ACSF3: variants seen among roughly 807,000 people sequenced by gnomAD.
The protein encoded by ACSF3 is acyl-CoA synthetase family member 3.
Under a neutral mutation model 53.2 loss-of-function variants are expected in ACSF3, and 78 were observed. The ratio of observed to expected loss-of-function variants is 1.47; its 90% CI spans 1.22 to 1.77. The LOEUF is 1.77. ACSF3 is among the 40% of genes most tolerant of loss of function. ACSF3 has a pLI of 0.00. For synonymous variants in ACSF3, 414 were observed against 333.1 expected (o/e 1.24, Z -2.65); for missense variants, 937 against 771.1 (o/e 1.22, Z -2.55).
At chr16:89,117,713 C>G (rs925536764) in intron 6 of ACSF3, among the ~76,000 whole-genome samples, 1 of 152,002 alleles carries the variant, frequency 6.6e-6, no homozygotes, top group Non-Finnish European at 1.5e-5. Flanking sequence ...GCCCAGAGAC[C>G]CAGGGGAGGC....
chr16:89,143,511 G>A (rs1234545992), intron 8 of ACSF3, among the ~76,000 whole-genome samples: 1 of 152,118 alleles, frequency 6.6e-6, no homozygotes, highest in African/African-American at 2.4e-5. Flanking sequence ...GGAGCAGCCT[G>A]GACGGGGTGG....
chr16:89,144,561 G>T (rs1912523698), intron 8 of ACSF3, among the ~76,000 whole-genome samples: 1 of 152,248 alleles, frequency 6.6e-6, no homozygotes, highest in African/African-American at 2.4e-5. Context: ...AATGTGTCTG[G>T]TTCACTTCTT....
chr16:89,103,764 CT>C (rs1175331497), intron 4 of ACSF3, among the ~76,000 whole-genome samples: 5 of 152,216 alleles, frequency 3.3e-5, no homozygotes, highest in Non-Finnish European at 5.9e-5. Context: ...GCTGTGGAGT[CT>C]CTGTCTCCCC....
intron 4 of ACSF3, among the ~76,000 whole-genome samples, chr16:89,107,431 C>T (rs928477419): frequency 1.3e-5 from 2 of 152,100 alleles, no homozygotes; most frequent in African/African-American, 4.8e-5. Flanking sequence ...CTGCTACACG[C>T]GTGCTCTCCC....
At chr16:89,106,026 C>T (rs987555255) in intron 4 of ACSF3, among the ~76,000 whole-genome samples, 3 of 152,230 alleles carry the variant, frequency 2.0e-5, no homozygotes, top group Non-Finnish European at 4.4e-5. Context: ...GGAGCTGCTG[C>T]TGCGGCGTCT....
chr16:89,118,598 G>A (rs1905803074), intron 6 of ACSF3, among the ~76,000 whole-genome samples: 1 of 152,188 alleles, frequency 6.6e-6, no homozygotes, highest in Non-Finnish European at 1.5e-5. Flanking sequence ...GCTCTGTCGT[G>A]TGTTATGGTT....
chr16:89,123,638 G>A (rs1359499509), intron 7 of ACSF3, among the ~76,000 whole-genome samples: 2 of 152,232 alleles, frequency 1.3e-5, no homozygotes, highest in Non-Finnish European at 2.9e-5. Flanking sequence ...ACTCATGACT[G>A]TTCCTGGGCA....
intron 7 of ACSF3, among the ~76,000 whole-genome samples, chr16:89,128,672 G>C (rs561982119): frequency 1.6e-4 from 24 of 152,240 alleles, no homozygotes; most frequent in South Asian, 8.3e-4. Flanking sequence ...TTTCCAAATA[G>C]TTGGATATTT....
intron 6 of ACSF3, among the ~76,000 whole-genome samples, chr16:89,118,963 C>G (rs900745996): frequency 5.9e-5 from 9 of 152,024 alleles, no homozygotes; most frequent in South Asian, 2.1e-4. Flanking sequence ...TGTCACATGC[C>G]CGGGGCACAG....
Position 89,101,214 on chromosome 16 carries a change from C to T in ACSF3, c.533C>T (p.Ala178Val), listed in dbSNP as rs1186438685. 1.2e-6 allele frequency: 2 copies of T among 1,605,038 alleles called. No individual in the cohort carries two copies. The highest frequency in any genetic ancestry group is 2.7e-5 in the African/African-American group (2 of 74,790). Residue 178 changes from alanine to valine, a missense_variant, in exon 3 of 11, where the codon GCA (alanine) becomes GTA (valine). Ala to Val is a moderately conservative substitution (Grantham distance 64). Transcript: ENST00000614302. The part of the protein sequence containing the change: ...LPLTPAIYTG[A>V]VEEPAEVPVP... The stretch of plus-strand genomic sequence containing the variant: ...CTCACACCAGCCATCTACACTGGAG[C>T]AGTAGAGGAACCGGCAGAGGTCCCG...
intron 3 of ACSF3, among the ~76,000 whole-genome samples, chr16:89,101,913 A>G (rs956167484): frequency 2.0e-5 from 3 of 152,236 alleles, no homozygotes; most frequent in African/African-American, 7.2e-5. Context: ...CGCCATGAGC[A>G]CACAGCAGGC....
Position 89,120,853 on chromosome 16 carries a change from C to G in ACSF3, c.1179C>G (p.Asn393Lys). The change falls in exon 7 of 11, where the codon AAC (asparagine) becomes AAG (lysine). Residue 393 changes from asparagine to lysine, a missense_variant. By Grantham distance (94) the Asn-to-Lys change is moderately conservative (BLOSUM62 0). Transcript: ENST00000614302. Reference protein sequence around the residue: ...PGVQVRIVSENPQREACSYTI... With the variant: ...PGVQVRIVSEKPQREACSYTI... ...TACAGGTGCGCATTGTCTCAGAAAA[C>G]CCACAGAGGGAAGCCTGCTCCTACA... 6.2e-7 allele frequency: 1 copy of G among 1,614,142 alleles called. No individual in the cohort carries two copies.
intron 7 of ACSF3, among the ~76,000 whole-genome samples, chr16:89,123,194 G>A (rs982077768): frequency 7.9e-5 from 12 of 152,278 alleles, no homozygotes; most frequent in Admixed American, 2.0e-4. Flanking sequence ...TCGTGGGGAG[G>A]AGCACAGCCT....
At chr16:89,104,525 C>T (rs1975737849) in intron 4 of ACSF3, among the ~76,000 whole-genome samples, 1 of 152,154 alleles carries the variant, frequency 6.6e-6, no homozygotes, top group African/African-American at 2.4e-5. Flanking sequence ...AGGCCTCTGA[C>T]CGGGAGCTCA....
chr16:89,108,891 G>T (rs1976338830), intron 4 of ACSF3, among the ~76,000 whole-genome samples: 1 of 152,116 alleles, frequency 6.6e-6, no homozygotes, highest in Non-Finnish European at 1.5e-5. Flanking sequence ...GACACAGAGG[G>T]ATAGAATTGA....
intron 4 of ACSF3, among the ~76,000 whole-genome samples, chr16:89,107,026 C>T (rs1222632002): frequency 6.6e-6 from 1 of 152,268 alleles, no homozygotes; most frequent in Non-Finnish European, 1.5e-5. Context: ...TCCTCAGGAT[C>T]GCAGCATGGA....
chr16:89,123,152 C>T (rs773236239), intron 7 of ACSF3, among the ~76,000 whole-genome samples: 78 of 152,274 alleles, frequency 5.1e-4, no homozygotes, highest in Admixed American at 1.0e-3. Flanking sequence ...AGCTGCCCTG[C>T]GGGGCCTGGC....
At chr16:89,140,444 G>A (rs1911533216) in intron 8 of ACSF3, among the ~76,000 whole-genome samples, 1 of 152,206 alleles carries the variant, frequency 6.6e-6, no homozygotes, top group Non-Finnish European at 1.5e-5. Flanking sequence ...CGGCTTGGGC[G>A]GGGTCCTTGG....
chr16:89,120,395 G>C (rs1906337057), intron 6 of ACSF3, among the ~76,000 whole-genome samples: 1 of 152,242 alleles, frequency 6.6e-6, no homozygotes, highest in South Asian at 2.1e-4. Context: ...GGCCATCAGG[G>C]CAAGGCGCCA....
Sources: gnomAD v4.1 joint callset for allele counts (sites outside exome capture counted in the v4.1 genomes callset) on GRCh38, gnomAD v4.1.1 for gene constraint, MANE v1.5 for transcripts, NCBI Gene and HGNC (gene_info 2026-07-23, HGNC 2026-07-21) for gene names.